EPB41L4A: variants seen among roughly 807,000 people sequenced by gnomAD.
The protein encoded by EPB41L4A is band 4.1-like protein 4A.
Under a neutral mutation model 108.6 loss-of-function variants are expected in EPB41L4A, and 100 were observed. That is an observed-to-expected ratio of 0.92 (90% CI 0.78 to 1.09). The LOEUF (loss-of-function observed/expected upper bound fraction) is 1.09, where lower values mean the gene tolerates loss of function less well. EPB41L4A is among the 50% of genes least tolerant of loss of function. EPB41L4A has a pLI of 0.00. For missense variants in EPB41L4A, 1,030 were observed against 842.7 expected (o/e 1.22, Z -2.75); for synonymous variants, 319 against 289.0 (o/e 1.10, Z -1.05).
intron 1 of EPB41L4A, among the ~76,000 whole-genome samples, chr5:112,401,430 T>C (rs1761742878): frequency 6.6e-6 from 1 of 152,242 alleles, no homozygotes; most frequent in Admixed American, 6.5e-5. Context: ...GGAAACTAAT[T>C]CTCAATGTTC....
intron 2 of EPB41L4A, among the ~76,000 whole-genome samples, chr5:112,281,937 A>AT (rs1752988447): frequency 6.6e-6 from 1 of 152,092 alleles, no homozygotes; most frequent in African/African-American, 2.4e-5. Context: ...AGCAGTTTCC[A>AT]TTTTTTGACT....
At position 112,373,088 on chromosome 5, in the gene EPB41L4A, T is replaced by C. The variant is rs571246980; in HGVS notation, c.99+45853A>G. 5.9e-5 allele frequency among the ~76,000 whole-genome samples: 9 copies of C among 152,068 alleles called. No homozygotes were observed. In the South Asian group the frequency reaches 1.9e-3, roughly 32 times the overall value. ...CAGATATAAACTCAGGGCCCAGGAA[T>C]ACAGATCCCCACACTGCAGACTGAG... is the stretch of plus-strand genomic sequence containing the variant. On this transcript the variant is annotated intron_variant, in intron 1 of 22. Transcript: ENST00000261486.
intron 1 of EPB41L4A, among the ~76,000 whole-genome samples, chr5:112,326,140 A>G (rs1278796951): frequency 6.6e-6 from 1 of 151,992 alleles, no homozygotes; most frequent in Non-Finnish European, 1.5e-5. Context: ...ACACAGTGAG[A>G]CTCCATCTCT....
intron 1 of EPB41L4A, among the ~76,000 whole-genome samples, chr5:112,309,586 G>C (rs984988048): frequency 3.3e-5 from 5 of 152,102 alleles, no homozygotes; most frequent in African/African-American, 9.7e-5. Context: ...TTTGTGGCAA[G>C]CAAATTTACC....
At chr5:112,239,814 A>G in intron 10 of EPB41L4A, 77 bp from the exon 11 acceptor site, 1 of 878,738 alleles carries the variant, frequency 1.1e-6, no homozygotes, top group Non-Finnish European at 1.8e-6. Context: ...CTCCTAACAC[A>G]AACTTTATAA....
intron 1 of EPB41L4A, among the ~76,000 whole-genome samples, chr5:112,347,442 G>T (rs1356491502): frequency 1.3e-5 from 2 of 152,164 alleles, no homozygotes; most frequent in Non-Finnish European, 2.9e-5. Flanking sequence ...GCAGAACTTA[G>T]GCTAGTGCTC....
chr5:112,170,323 C>G lies in EPB41L4A; in HGVS notation c.1717G>C (p.Glu573Gln). 1.2e-6 allele frequency: 2 copies of G among 1,613,404 alleles called. No homozygotes were observed. Among genetic ancestry groups the G allele is most frequent in the Non-Finnish European group, 1.7e-6 (2 of 1,179,744 alleles). ...CACTCTATTTTAGTGTATGGAATCTCTTTTAATTGTTCTTCGGACAATCCG... is the reference window on the plus strand; with the variant it reads ...CACTCTATTTTAGTGTATGGAATCTGTTTTAATTGTTCTTCGGACAATCCG... ...PSGLSEEQLK[E>Q]IPYTKIETQG... Residue 573 changes from glutamate to glutamine, a missense_variant, in exon 20 of 23, where the codon GAG becomes CAG. Coordinates refer to ENST00000261486, the MANE Select transcript of EPB41L4A (RefSeq NM_022140.5).
chr5:112,407,846 A>G (rs1762159018), intron 1 of EPB41L4A, among the ~76,000 whole-genome samples: 1 of 152,222 alleles, frequency 6.6e-6, no homozygotes, highest in Non-Finnish European at 1.5e-5. Flanking sequence ...CTTTTGACAA[A>G]TATTTACTGA....
intron 13 of EPB41L4A, among the ~76,000 whole-genome samples, chr5:112,207,551 T>C (rs1580433169): frequency 6.6e-6 from 1 of 152,206 alleles, no homozygotes; most frequent in Admixed American, 6.5e-5. Flanking sequence ...ATCCAGAATC[T>C]ATAAGGAACT....
At chr5:112,156,949 A>G (rs2112822894) in intron 12 of EPB41L4A, among the ~76,000 whole-genome samples, 1 of 152,308 alleles carries the variant, frequency 6.6e-6, no homozygotes, top group South Asian at 2.1e-4. Flanking sequence ...GAGAAAAGGG[A>G]CAGTAATAGC....
intron 1 of EPB41L4A, among the ~76,000 whole-genome samples, chr5:112,389,576 T>G (rs1356467162): frequency 1.3e-5 from 2 of 152,218 alleles, no homozygotes; most frequent in Non-Finnish European, 2.9e-5. Flanking sequence ...TTTTTTCTAT[T>G]ATACTATCTC....
chr5:112,344,314 T>C (rs961993283), intron 1 of EPB41L4A, among the ~76,000 whole-genome samples: 1 of 152,114 alleles, frequency 6.6e-6, no homozygotes, highest in Non-Finnish European at 1.5e-5. Flanking sequence ...TTACAGAAAA[T>C]TCTGTAGGAC....
At chr5:112,331,001 CA>C (rs1258502135) in intron 1 of EPB41L4A, among the ~76,000 whole-genome samples, 1 of 152,114 alleles carries the variant, frequency 6.6e-6, no homozygotes, top group Admixed American at 6.5e-5. Context: ...TAACAGAAGT[CA>C]TCTTTAAATA....
At chr5:112,285,249 T>C (rs1368752692) in intron 2 of EPB41L4A, among the ~76,000 whole-genome samples, 1 of 152,162 alleles carries the variant, frequency 6.6e-6, no homozygotes, top group Non-Finnish European at 1.5e-5. Context: ...CACACACAGT[T>C]TTCATTAATA....
rs146887061 is a variant in EPB41L4A, at chr5:112,283,512, T to C, written c.205-3189A>G. ...AAGATCAGAGTGAAACACAGCAGCC[T>C]GTTACTCTATAGTTTAAGAGAAAAA... On this transcript the variant is annotated intron_variant, in intron 2 of 22. Transcript: ENST00000261486. Among the ~76,000 whole-genome samples the C allele has an allele frequency of 2.2e-3, 342 of 152,306 alleles. 1 individual carries two copies. Among genetic ancestry groups the C allele is most frequent in the African/African-American group, 7.7e-3 (322 of 41,566 alleles).
At chr5:112,364,547 G>T (rs1758999257) in intron 1 of EPB41L4A, among the ~76,000 whole-genome samples, 2 of 152,112 alleles carry the variant, frequency 1.3e-5, no homozygotes, top group South Asian at 4.2e-4. Flanking sequence ...GTATTCTAAT[G>T]GAGAAACTCA....
At chr5:112,318,716 C>T (rs144966935) in intron 1 of EPB41L4A, among the ~76,000 whole-genome samples, 7 of 152,296 alleles carry the variant, frequency 4.6e-5, no homozygotes, top group Non-Finnish European at 1.0e-4. Context: ...TGTTACAGAG[C>T]TACACAACCA....
At chr5:112,418,889 CCCGCA>C in intron 1 of EPB41L4A, 47 bp downstream of exon 1, 1 of 1,457,866 alleles carries the variant, frequency 6.9e-7, no homozygotes, top group Non-Finnish European at 9.6e-7. Flanking sequence ...GCGATGGACC[CCCGCA>C]CCCGCCCTGC....
rs770015305 is a variant in EPB41L4A at position 112,184,151 on chromosome 5, T to C, written c.1503-16A>G. On this transcript the variant is annotated splice_polypyrimidine_tract_variant and intron_variant, in intron 17 of 22. Coordinates refer to ENST00000261486, the MANE Select transcript of EPB41L4A (RefSeq NM_022140.5). ...CTGCCGTATTCTGAAAGGAAAGCCA[T>C]GCATCTGAAGTTAACATCTACATGG... 5 of 1,613,708 alleles carry C rather than the reference T, an allele frequency of 3.1e-6. No homozygotes were observed. Among genetic ancestry groups the C allele is most frequent in the Non-Finnish European group, 4.2e-6 (5 of 1,179,746 alleles).
Sources: gnomAD v4.1 joint callset for allele counts (sites outside exome capture counted in the v4.1 genomes callset) on GRCh38, gnomAD v4.1.1 for gene constraint, MANE v1.5 for transcripts, NCBI Gene and HGNC (gene_info 2026-07-23, HGNC 2026-07-21) for gene names.